The following ABHD6 variants were observed in gnomAD, a reference collection of about 807,000 sequenced individuals.
ABHD6 encodes the protein abhydrolase domain containing 6, acylglycerol lipase, also known as monoacylglycerol lipase ABHD6.
A neutral mutation model predicts 38.8 loss-of-function variants in ABHD6; 33 were observed. The observed-to-expected ratio is 0.85, with a 90% CI of 0.64 to 1.14. The LOEUF is 1.14. Ranked by LOEUF, ABHD6 falls within the 50% of genes most tolerant of loss-of-function variation. The probability of loss-of-function intolerance (pLI) is 0.00; values close to 1 mark genes in which losing one functional copy is unlikely to be tolerated. For synonymous variants in ABHD6, 147 were observed against 161.6 expected (o/e 0.91, Z 0.69); for missense variants, 380 against 422.6 (o/e 0.90, Z 0.88).
intron 7 of ABHD6, among the ~76,000 whole-genome samples, chr3:58,281,705 T>C (rs2097453415): frequency 6.6e-6 from 1 of 152,274 alleles, no homozygotes; most frequent in Admixed American, 6.5e-5. Context: ...AGACCGGAGC[T>C]GTTCCTATTC....
In ABHD6 at chr3:58,259,912, G is replaced by A. The variant is rs535221867; in HGVS notation, c.119+3207G>A. On this transcript the variant is annotated intron_variant, in intron 3 of 9. Transcript: ENST00000478253. This position sits in a 1 kb window ranked among gnomAD's most constrained non-coding sequence, Gnocchi z 4.7. ...CTGTCTTTTTAGATGTGCCCATTAC[G>A]GACATTTCACGTAAACGGGGTTATA... Among the ~76,000 whole-genome samples, 11 of 152,140 alleles carry A rather than the reference G, an allele frequency of 7.2e-5. No homozygotes were observed. The highest frequency in any genetic ancestry group is 1.9e-4 in the African/African-American group (8 of 41,522).
intron 7 of ABHD6, among the ~76,000 whole-genome samples, chr3:58,281,981 A>C (rs2097453648): frequency 6.6e-6 from 1 of 152,130 alleles, no homozygotes; most frequent in African/African-American, 2.4e-5. Flanking sequence ...AAATAAATGA[A>C]AACTCAGAAG....
At chr3:58,270,649 G>C (rs558937719) in intron 5 of ABHD6, among the ~76,000 whole-genome samples, 3 of 152,090 alleles carry the variant, frequency 2.0e-5, no homozygotes, top group Non-Finnish European at 4.4e-5. Flanking sequence ...GTGACAGAGT[G>C]AGACCCTGTC....
chr3:58,277,370 T>C (rs111665121), intron 7 of ABHD6, among the ~76,000 whole-genome samples: 14,223 of 152,216 alleles, frequency 0.093, 778 homozygotes, highest in African/African-American at 0.13. Context: ...TTATTCTCTT[T>C]GTAGCAATTG....
At chr3:58,253,495 C>T (rs1382495765) in intron 2 of ABHD6, among the ~76,000 whole-genome samples, 1 of 152,114 alleles carries the variant, frequency 6.6e-6, no homozygotes, top group Non-Finnish European at 1.5e-5. Flanking sequence ...TAAATTGTAG[C>T]CAGTGTTAAA....
intron 2 of ABHD6, among the ~76,000 whole-genome samples, chr3:58,250,377 G>A (rs889946732): frequency 1.3e-5 from 2 of 152,128 alleles, no homozygotes; most frequent in Admixed American, 1.3e-4. Context: ...TATTTGGAGT[G>A]CAGGCAAAGA....
At chr3:58,289,662 G>A (rs1308727309) in intron 9 of ABHD6, among the ~76,000 whole-genome samples, 2 of 152,174 alleles carry the variant, frequency 1.3e-5, no homozygotes, top group Non-Finnish European at 2.9e-5. Flanking sequence ...GCAACCATCC[G>A]ATTTCTCAAT....
chr3:58,277,169 G>C (rs1317554888), intron 7 of ABHD6, among the ~76,000 whole-genome samples: 1 of 152,192 alleles, frequency 6.6e-6, no homozygotes, highest in Non-Finnish European at 1.5e-5. Flanking sequence ...TTGGTAGCTT[G>C]ATGGGGATGG....
chr3:58,281,240 G>T (rs2097452955), intron 7 of ABHD6, among the ~76,000 whole-genome samples: 1 of 152,234 alleles, frequency 6.6e-6, no homozygotes, highest in South Asian at 2.1e-4. Context: ...CTGAGCTGTG[G>T]TGGGCTTTGC....
chr3:58,248,401 A>G (rs984915595), intron 1 of ABHD6, among the ~76,000 whole-genome samples: 1 of 152,210 alleles, frequency 6.6e-6, no homozygotes, highest in African/African-American at 2.4e-5. Flanking sequence ...ATAAATTCCT[A>G]GAAGAAAAGA....
At chr3:58,291,255 G>A (rs1340866396) in intron 9 of ABHD6, among the ~76,000 whole-genome samples, 1 of 151,380 alleles carries the variant, frequency 6.6e-6, no homozygotes. Flanking sequence ...GTGTGCACCT[G>A]CAATCGCAGG....
intron 6 of ABHD6, among the ~76,000 whole-genome samples, chr3:58,271,766 G>GTTTTTTGT (rs2097445108): frequency 1.6e-4 from 10 of 63,640 alleles, no homozygotes; most frequent in Non-Finnish European, 2.6e-4. Context: ...CCCTCTCTCT[G>GTTTTTTGT]TTTTTTTTTT....
chr3:58,283,154 C>T (rs1156576464), intron 7 of ABHD6, among the ~76,000 whole-genome samples: 1 of 152,208 alleles, frequency 6.6e-6, no homozygotes, highest in African/African-American at 2.4e-5. Flanking sequence ...GCCTGTCCCT[C>T]AGGAAACACC....
intron 7 of ABHD6, among the ~76,000 whole-genome samples, chr3:58,283,847 G>C (rs1408457220): frequency 6.6e-6 from 1 of 152,212 alleles, no homozygotes; most frequent in African/African-American, 2.4e-5. Flanking sequence ...CAGGTGGATA[G>C]CTGAACAAAG....
chr3:58,254,250 C>T (rs114017981), intron 2 of ABHD6, among the ~76,000 whole-genome samples: 169 of 152,298 alleles, frequency 1.1e-3, no homozygotes, highest in African/African-American at 3.9e-3. Context: ...ACTTGCCTTT[C>T]CTATGTGACA....
At chr3:58,261,211 T>C (rs1305294252) in intron 3 of ABHD6, among the ~76,000 whole-genome samples, 1 of 151,854 alleles carries the variant, frequency 6.6e-6, no homozygotes, top group Non-Finnish European at 1.5e-5. Flanking sequence ...TATATAAATA[T>C]AAGAAAGAAA....
rs1205928636 is a variant in ABHD6, at chr3:58,263,232, A to G, written c.120-3957A>G. Among the ~76,000 whole-genome samples the G allele has an allele frequency of 6.6e-6, 1 of 151,080 alleles. No individual in the cohort carries two copies. Among genetic ancestry groups the G allele is most frequent in the Non-Finnish European group, 1.5e-5 (1 of 67,350 alleles). On this transcript the variant is annotated intron_variant, in intron 3 of 9. Coordinates refer to ENST00000478253, the MANE Select transcript of ABHD6 (RefSeq NM_001320126.2). This position sits in a 1 kb window ranked among gnomAD's most constrained non-coding sequence, Gnocchi z 4.9. ...AAAAAATAAAAATAAAAATAAACAA[A>G]AACAAAAATTAGCCGAGCGTGGTGG...
At chr3:58,277,006 G>C (rs1008427916) in intron 7 of ABHD6, among the ~76,000 whole-genome samples, 8 of 152,192 alleles carry the variant, frequency 5.3e-5, no homozygotes, top group African/African-American at 1.9e-4. Flanking sequence ...ATGCTGTTTT[G>C]ATTACTGTAG....
At chr3:58,242,106 C>T (rs551362012) in intron 1 of ABHD6, among the ~76,000 whole-genome samples, 67 of 152,072 alleles carry the variant, frequency 4.4e-4, no homozygotes, top group Non-Finnish European at 6.6e-4. Flanking sequence ...ATAGGCGTGC[C>T]GGGGAGAGAG....
Sources: gnomAD v4.1 joint callset for allele counts (sites outside exome capture counted in the v4.1 genomes callset) on GRCh38, gnomAD v4.1.1 for gene constraint, Gnocchi (gnomAD v3.1) non-coding constraint, MANE v1.5 for transcripts, NCBI Gene and HGNC (gene_info 2026-07-23, HGNC 2026-07-21) for gene names.